The following ZMYND8 variants were observed in gnomAD, a reference collection of about 807,000 sequenced individuals.
ZMYND8 encodes the protein MYND-type zinc finger-containing chromatin reader ZMYND8.
Under a neutral mutation model 140.8 loss-of-function variants are expected in ZMYND8, and 37 were observed. That is an observed-to-expected ratio of 0.26 (90% CI 0.20 to 0.35). The LOEUF is 0.35. Among genes scored for constraint, ZMYND8 ranks in the 10% least tolerant of loss-of-function variants. The probability of loss-of-function intolerance (pLI) is 1.00; values close to 1 mark genes in which losing one functional copy is unlikely to be tolerated. For missense variants in ZMYND8, 1,068 were observed against 1,570.0 expected (o/e 0.68, Z 5.40); for synonymous variants, 592 against 597.1 (o/e 0.99, Z 0.12).
intron 16 of ZMYND8, among the ~76,000 whole-genome samples, chr20:47,232,871 T>C (rs951893404): frequency 6.6e-6 from 1 of 151,648 alleles, no homozygotes; most frequent in African/African-American, 2.4e-5. Flanking sequence ...AACACTTTCA[T>C]GACAACCTCC....
intron 16 of ZMYND8, among the ~76,000 whole-genome samples, chr20:47,231,466 C>G (rs2038472209): frequency 1.3e-5 from 2 of 152,186 alleles, no homozygotes; most frequent in Admixed American, 1.3e-4. Context: ...TGAAAAAAAC[C>G]ACGCAAACAC....
chr20:47,221,328 T>G lies in ZMYND8; in HGVS notation c.3403A>C (p.Lys1135Gln), dbSNP rs775883028. 2.5e-6 allele frequency: 4 copies of G among 1,614,100 alleles called. No individual in the cohort carries two copies. The highest frequency in any genetic ancestry group is 3.4e-6 in the Non-Finnish European group (4 of 1,180,008). ...KEKETSAEKS[K>Q]ESGSTLDLSG... ...GGGATCCTCACCGAGCCACTCTCCT[T>G]GCTTTTCTCAGCTGACGTCTCCTTC... Residue 1135 changes from lysine to glutamine, a missense_variant, in exon 20 of 23, where the codon AAG (lysine) becomes CAG (glutamine). Physicochemically the swap from Lys to Gln is moderately conservative, Grantham distance 53. Around this residue, in one of 10 missense-constraint regions of ZMYND8, gnomAD observed 180 missense variants for 187.8 expected, o/e 0.96. Transcript: ENST00000471951.
intron 11 of ZMYND8, among the ~76,000 whole-genome samples, chr20:47,272,600 C>A (rs2076025125): frequency 6.6e-6 from 1 of 152,176 alleles, no homozygotes; most frequent in Non-Finnish European, 1.5e-5. Flanking sequence ...ACCACTTAGG[C>A]CACCTAGCTA....
intron 2 of ZMYND8, chr20:47,319,388 G>T: frequency 4.2e-6 from 1 of 236,044 alleles, no homozygotes; most frequent in South Asian, 5.0e-5. Flanking sequence ...CCTGGGGGGA[G>T]GGAAACAGCT....
intron 6 of ZMYND8, among the ~76,000 whole-genome samples, chr20:47,290,583 GTTTTTTTTTTTTTTT>G (rs71183240): frequency 1.6e-5 from 1 of 64,084 alleles, no homozygotes; most frequent in South Asian, 6.3e-4. Flanking sequence ...TATTTATTTA[GTTTTTTTTTTTTTTT>G]TTTTTTTTTG....
rs1238861989 is a variant in ZMYND8, at chr20:47,221,548, G to A, written c.3257-74C>T. ...GATTTTGAAACATGCATGGAGCCCC[G>A]CCCTGCACCCAGTGGCACCCAAGGC... is the stretch of plus-strand genomic sequence containing the variant. On this transcript the variant is annotated intron_variant, in intron 19 of 22. Coordinates refer to ENST00000471951, the MANE Select transcript of ZMYND8 (RefSeq NM_001281775.3). The A allele has an allele frequency of 1.5e-5, 23 of 1,506,630 alleles. No homozygotes were observed. The Middle Eastern group carries it at 8.0e-4, about 52-fold the overall frequency. The allele number at this position is 1,506,630 out of a possible 1,614,324, so 93.3% of individuals were successfully genotyped here.
At chr20:47,268,363 G>A (rs1442076301) in intron 11 of ZMYND8, among the ~76,000 whole-genome samples, 3 of 147,798 alleles carry the variant, frequency 2.0e-5, no homozygotes, top group Non-Finnish European at 3.0e-5. Context: ...GCACAATCTC[G>A]GCTCACTGCA....
intron 2 of ZMYND8, among the ~76,000 whole-genome samples, chr20:47,341,716 A>C (rs950470172): frequency 6.6e-6 from 1 of 151,822 alleles, no homozygotes; most frequent in Non-Finnish European, 1.5e-5. Flanking sequence ...TAAAAATACA[A>C]AACTTGGCCG....
intron 13 of ZMYND8, among the ~76,000 whole-genome samples, chr20:47,247,844 G>A (rs192296575): frequency 6.6e-6 from 1 of 152,222 alleles, no homozygotes; most frequent in Non-Finnish European, 1.5e-5. Context: ...AGGCATGGTG[G>A]TGCACACCTG....
chr20:47,319,873 C>G (rs1315300539), intron 2 of ZMYND8: 1 of 149,336 alleles, frequency 6.7e-6, no homozygotes, highest in Non-Finnish European at 1.5e-5. Context: ...ACCCCCTCAG[C>G]AGGCCCAGGC....
At chr20:47,269,681 T>C (rs1365694252) in intron 11 of ZMYND8, among the ~76,000 whole-genome samples, 1 of 152,172 alleles carries the variant, frequency 6.6e-6, no homozygotes, top group African/African-American at 2.4e-5. Context: ...GCCTTGGAAT[T>C]AAATTAGGAA....
At chr20:47,270,118 T>TC (rs1192795729) in intron 11 of ZMYND8, among the ~76,000 whole-genome samples, 1 of 151,782 alleles carries the variant, frequency 6.6e-6, no homozygotes, top group Non-Finnish European at 1.5e-5. Context: ...ACACTTGTAC[T>TC]CCTAGCTACT....
rs1170750822 is a variant in ZMYND8 at position 47,246,378 on chromosome 20, C to A, written c.1914G>T (p.Glu638Asp). 1 of 1,614,080 alleles carries A rather than the reference C, an allele frequency of 6.2e-7. No individual in the cohort carries two copies. Among genetic ancestry groups the A allele is most frequent in the Non-Finnish European group, 8.5e-7 (1 of 1,180,022 alleles). ...TGTCCATCTGACAACCTTCTTTGTC[C>A]TCTGTGTCTTCTGGCTCGTTCTTAG... ...QKSKNEPEDT[E>D]DKEGCQMDKE... The change falls in exon 14 of 23, where the codon GAG (glutamate) becomes GAT (aspartate). Residue 638 changes from glutamate to aspartate, a missense_variant. Around this residue, in one of 10 missense-constraint regions of ZMYND8, gnomAD observed 383 missense variants for 431.2 expected, o/e 0.89. Coordinates refer to ENST00000471951, the MANE Select transcript of ZMYND8 (RefSeq NM_001281775.3).
chr20:47,255,746 ATATATATATATATATATACGG>A (rs1202241868), intron 12 of ZMYND8, among the ~76,000 whole-genome samples: 5 of 91,916 alleles, frequency 5.4e-5, no homozygotes, highest in African/African-American at 2.2e-4. Flanking sequence ...ATATATATAT[ATATATATATATATATATACGG>A]TATATATATA....
chr20:47,218,152 C>A (rs2036395995), intron 21 of ZMYND8, among the ~76,000 whole-genome samples: 1 of 152,160 alleles, frequency 6.6e-6, no homozygotes, highest in Non-Finnish European at 1.5e-5. Flanking sequence ...GTTTCTTGAC[C>A]CTGGTCTAGG....
At chr20:47,333,212 G>A (rs1243811189) in intron 2 of ZMYND8, among the ~76,000 whole-genome samples, 1 of 151,302 alleles carries the variant, frequency 6.6e-6, no homozygotes, top group Admixed American at 6.6e-5. Flanking sequence ...GAGAGAGAGA[G>A]ATAAAAAAAC....
At chr20:47,348,931 C>T (rs1435508983) in intron 1 of ZMYND8, 1 of 152,260 alleles carries the variant, frequency 6.6e-6, no homozygotes, top group East Asian at 1.9e-4. Flanking sequence ...GCAATTCCAT[C>T]AGACTGTCGT....
At chr20:47,265,413 C>A (rs11908280) in intron 11 of ZMYND8, among the ~76,000 whole-genome samples, 1 of 150,568 alleles carries the variant, frequency 6.6e-6, no homozygotes, top group East Asian at 1.9e-4. Context: ...AATCCATTTT[C>A]CTGCTCGACA....
chr20:47,348,801 T>A (rs1273932426), intron 1 of ZMYND8: 2 of 152,116 alleles, frequency 1.3e-5, no homozygotes, highest in African/African-American at 4.8e-5. Context: ...ACTCACAAGC[T>A]AAACCAAAGG....
Sources: allele counts gnomAD v4.1 joint callset (sites outside exome capture counted in the v4.1 genomes callset), GRCh38; gene constraint gnomAD v4.1.1; regional missense constraint gnomAD v4.1.1; transcripts MANE v1.5; gene names NCBI Gene and HGNC (gene_info 2026-07-23, HGNC 2026-07-21).